Variants in POLR2F observed in about 807,000 individuals in gnomAD.
The protein encoded by POLR2F is DNA-directed RNA polymerases I, II, and III subunit RPABC2.
In POLR2F, 12 loss-of-function variants were observed where a neutral mutation model predicts 22.7. That is an observed-to-expected ratio of 0.53 (90% CI 0.34 to 0.86). POLR2F has a LOEUF of 0.86. Ranked by LOEUF, POLR2F falls within the 40% of genes least tolerant of loss-of-function variation. POLR2F has a pLI of 0.02. For synonymous variants in POLR2F, 57 were observed against 66.0 expected (o/e 0.86, Z 0.66); for missense variants, 126 against 171.5 (o/e 0.73, Z 1.48).
intron 4 of POLR2F, 135 bp from the exon 5 acceptor site, chr22:37,967,490 C>T: frequency 6.8e-7 from 1 of 1,467,158 alleles, no homozygotes; most frequent in Non-Finnish European, 9.0e-7. Context: ...TGCTTTCTTA[C>T]AAAGTACACT....
intron 1 of POLR2F, among the ~76,000 whole-genome samples, chr22:38,005,745 C>A (rs1011946768): frequency 6.6e-6 from 1 of 152,202 alleles, no homozygotes; most frequent in Non-Finnish European, 1.5e-5. Flanking sequence ...CAGAGTGGGA[C>A]CTCCTTGCGC....
At chr22:38,033,953 G>A (rs2085090729) in intron 5 of POLR2F, among the ~76,000 whole-genome samples, 1 of 152,122 alleles carries the variant, frequency 6.6e-6, no homozygotes, top group Admixed American at 6.5e-5. Context: ...CTTTGATTCT[G>A]GGAGTCAAGA....
rs370467165 is a variant in POLR2F at position 37,956,770 on chromosome 22, C to T, written c.21-3C>T. ...AAGTAACTGATCTCTTCTTCCTGTACAGTTTTGATGGCGACGACTTTGATG... is the reference window on the plus strand; with the variant it reads ...AAGTAACTGATCTCTTCTTCCTGTATAGTTTTGATGGCGACGACTTTGATG... On this transcript the variant is annotated splice_region_variant and splice_polypyrimidine_tract_variant and intron_variant, in intron 1 of 4. Coordinates refer to ENST00000442738, the MANE Select transcript of POLR2F (RefSeq NM_021974.5). 1.2e-6 allele frequency: 2 copies of T among 1,612,314 alleles called. No homozygotes were observed. Among genetic ancestry groups the T allele is most frequent in the African/African-American group, 1.3e-5 (1 of 74,872 alleles).
Position 37,998,834 on chromosome 22 carries a change from G to GGGAGA in POLR2F, c.120+12550_120+12554dup, listed in dbSNP as rs879845284. Among the ~76,000 whole-genome samples, 550 of 151,980 alleles carry GGGAGA rather than the reference G, an allele frequency of 3.6e-3. 2 individuals are homozygous for GGGAGA. The highest frequency in any genetic ancestry group is 9.0e-3 in the African/African-American group (371 of 41,388). On this transcript the variant is annotated intron_variant, in intron 1 of 2. Transcript: ENST00000333418. ...GAGGAATGTGAGAGGGAGAGAGAGAGGGAGAGGAGAGGAGAGGAGAGGAGA... is the reference window on the plus strand; with the variant it reads ...GAGGAATGTGAGAGGGAGAGAGAGAGGGAGAGGAGAGGAGAGGAGAGGAGAGGAGA...
At chr22:37,971,902 G>A (rs1932063158), downstream of POLR2F, among the ~76,000 whole-genome samples, 1 of 152,016 alleles carries the variant, frequency 6.6e-6, no homozygotes, top group South Asian at 2.1e-4. Flanking sequence ...CCCCTGCAGT[G>A]TGGGGCATAG....
In POLR2F at chr22:37,969,281, G is replaced by A; in HGVS notation, c.*1566G>A. On this transcript the variant is annotated 3_prime_UTR_variant, in exon 5 of 5. Coordinates refer to ENST00000442738, the MANE Select transcript of POLR2F (RefSeq NM_021974.5). ...ATTCAGCTGTCTGGGCCTGGCTTTT[G>A]ACTTCTCTTGAATAAAATGTCCCGG... 1 of 985,184 alleles carries A rather than the reference G, an allele frequency of 1.0e-6. No homozygotes were observed. Among genetic ancestry groups the A allele is most frequent in the Non-Finnish European group, 1.2e-6 (1 of 829,764 alleles). The allele number at this position is 985,184 out of a possible 1,614,324, so 61.0% of individuals were successfully genotyped here. A position where few individuals can be genotyped will look rare whatever the true frequency, so the allele number is the denominator to read the frequency against.
chr22:37,987,486 C>G (rs995175398), intron 1 of POLR2F: 6 of 294,042 alleles, frequency 2.0e-5, no homozygotes, highest in Admixed American at 4.8e-5. Context: ...CCTGTGTTCC[C>G]CCACTGGGTC....
chr22:38,038,062 T>C (rs933865125), intron 5 of POLR2F, among the ~76,000 whole-genome samples: 9 of 148,132 alleles, frequency 6.1e-5, no homozygotes, highest in Non-Finnish European at 1.3e-4. Context: ...TTGCCTATTA[T>C]CAGATGGCCT....
At chr22:37,967,220 T>C (rs1360222925) in intron 4 of POLR2F, 50 bp downstream of exon 4, 1 of 1,601,588 alleles carries the variant, frequency 6.2e-7, no homozygotes, top group Non-Finnish European at 8.6e-7. Context: ...GGGAGGCATC[T>C]GTTGGGCTCT....
chr22:37,956,680 G>T, intron 1 of POLR2F, 93 bp from the exon 2 acceptor site: 1 of 1,018,208 alleles, frequency 9.8e-7, no homozygotes, highest in Non-Finnish European at 1.6e-6. Flanking sequence ...ATCTCCGAAA[G>T]TACCAGGATT....
At chr22:38,036,648 AG>A (rs1391165539) in intron 5 of POLR2F, among the ~76,000 whole-genome samples, 3 of 151,756 alleles carry the variant, frequency 2.0e-5, no homozygotes, top group Admixed American at 2.0e-4. Flanking sequence ...GCTGCGGCCA[AG>A]AACTGTGGGT....
intron 4 of POLR2F, among the ~76,000 whole-genome samples, chr22:37,976,315 C>A (rs1932218390): frequency 3.9e-5 from 6 of 152,232 alleles, no homozygotes; most frequent in Admixed American, 6.5e-5. Flanking sequence ...CCCACCTCAG[C>A]CTCCTGTGTA....
intron 1 of POLR2F, among the ~76,000 whole-genome samples, chr22:37,998,788 T>G (rs1201763470): frequency 6.6e-6 from 1 of 151,202 alleles, no homozygotes; most frequent in African/African-American, 2.4e-5. Flanking sequence ...GGGGTGTCAC[T>G]CAAGCACTGA....
chr22:37,987,315 G>A (rs1325004227), intron 1 of POLR2F: 2 of 456,586 alleles, frequency 4.4e-6, no homozygotes, highest in Non-Finnish European at 4.4e-6. Flanking sequence ...CAGAAGATGG[G>A]CCCCAGAGAG....
intron 3 of POLR2F, among the ~76,000 whole-genome samples, chr22:37,962,917 C>T (rs1340524456): frequency 6.6e-6 from 1 of 151,744 alleles, no homozygotes; most frequent in Admixed American, 6.6e-5. Flanking sequence ...GTCTCGATCT[C>T]CTGACCTTGT....
At chr22:38,029,883 A>G (rs1453408004), downstream of POLR2F, among the ~76,000 whole-genome samples, 1 of 152,214 alleles carries the variant, frequency 6.6e-6, no homozygotes, top group Non-Finnish European at 1.5e-5. Flanking sequence ...GCCAAGAAAC[A>G]TTGATTGAAC....
intron 1 of POLR2F, among the ~76,000 whole-genome samples, chr22:38,012,897 G>A (rs1474731237): frequency 4.6e-5 from 7 of 152,162 alleles, no homozygotes; most frequent in African/African-American, 9.7e-5. Context: ...TCATGGTGAT[G>A]TCAGCCAGAC....
chr22:37,971,109 G>T (rs1601876356), downstream of POLR2F: 1 of 396,634 alleles, frequency 2.5e-6, no homozygotes, highest in East Asian at 7.3e-5. Flanking sequence ...GGAAGGAAGG[G>T]AGCTGAGGAT....
intron 3 of POLR2F, among the ~76,000 whole-genome samples, chr22:37,961,862 A>G (rs1256780047): frequency 6.6e-6 from 1 of 151,960 alleles, no homozygotes; most frequent in Non-Finnish European, 1.5e-5. Flanking sequence ...CAAACTCCCT[A>G]TAGACTGATG....
Sources: gnomAD v4.1 joint callset for allele counts (sites outside exome capture counted in the v4.1 genomes callset) on GRCh38, gnomAD v4.1.1 for gene constraint, MANE v1.5 for transcripts, NCBI Gene and HGNC (gene_info 2026-07-23, HGNC 2026-07-21) for gene names.